Variants in LRP1 observed in about 807,000 individuals in gnomAD.
LRP1 encodes LDL receptor related protein 1.
LRP1 carries 51 observed loss-of-function variants against 541.5 expected under a neutral mutation model. The observed-to-expected ratio is 0.09, with a 90% CI of 0.08 to 0.12. The LOEUF (loss-of-function observed/expected upper bound fraction) is 0.12, where lower values mean the gene tolerates loss of function less well. Ranked by LOEUF, LRP1 falls within the 10% of genes least tolerant of loss-of-function variation. The pLI is 1.00. For synonymous variants in LRP1, 2,219 were observed against 2,470.8 expected, an observed-to-expected ratio of 0.90 and a Z score of 3.02; for missense variants, 3,878 against 6,376.2, an observed-to-expected ratio of 0.61 and a Z score of 13.34.
rs566531584 is a variant in LRP1 at position 57,141,623 on chromosome 12, C to T, written c.328+112C>T. 14 of 1,360,424 alleles carry T rather than the reference C, an allele frequency of 1.0e-5. No homozygotes were observed. In the East Asian group the frequency reaches 2.5e-4, roughly 25 times the overall value. 84.3% of individuals were successfully genotyped at this position (1,360,424 alleles called of 1,614,324 possible). On this transcript the variant is annotated intron_variant, in intron 3 of 88. Coordinates refer to ENST00000243077, the MANE Select transcript of LRP1 (RefSeq NM_002332.3). ...GGGGATGAGGCCTTGTCCTGGTCCC[C>T]TGCCTAGATTTACCTTCAGAGAGCA...
At chr12:57,166,744 C>T (rs2035848364) in intron 17 of LRP1, among the ~76,000 whole-genome samples, 186 bp from the exon 18 acceptor site, 1 of 149,622 alleles carries the variant, frequency 6.7e-6, no homozygotes, top group African/African-American at 2.5e-5. Flanking sequence ...GGGAGGATAC[C>T]AGAGACCCCT....
At chr12:57,188,234 G>A (rs189984196) in intron 42 of LRP1, among the ~76,000 whole-genome samples, 6 of 152,268 alleles carry the variant, frequency 3.9e-5, no homozygotes, top group East Asian at 1.9e-4. Context: ...CCCTCATCCC[G>A]GCTGTTTGGG....
In LRP1 at chr12:57,183,779, T is replaced by C; in HGVS notation, c.5799T>C (p.Asn1933=). ...LAVGIDFHAE[N]DTIYWVDMGL... is the part of the protein sequence containing the mutation. ...TGTCACCTCCTCCACCTCCAGAAAATGACACCATCTACTGGGTGGACATGG... is the reference window on the plus strand; with the variant it reads ...TGTCACCTCCTCCACCTCCAGAAAACGACACCATCTACTGGGTGGACATGG... Residue 1933 remains asparagine, a synonymous_variant, in exon 36 of 89, where the codon AAT becomes AAC. Transcript: ENST00000243077. This position sits in a 1 kb window ranked among gnomAD's most constrained non-coding sequence, Gnocchi z 6.1. 1 of 1,613,894 alleles carries C rather than the reference T, an allele frequency of 6.2e-7. No individual in the cohort carries two copies. The highest frequency in any genetic ancestry group is 1.1e-5 in the South Asian group (1 of 91,084).
rs191653405 is a variant in LRP1 at position 57,205,827 on chromosome 12, G to C, written c.11590+150G>C. 3,585 of 1,234,552 alleles carry C rather than the reference G, an allele frequency of 2.9e-3. 12 individuals are homozygous for C. Among genetic ancestry groups the C allele is most frequent in the South Asian group, 3.4e-3 (225 of 66,894 alleles). 76.5% of individuals were successfully genotyped at this position (1,234,552 alleles called of 1,614,324 possible). On this transcript the variant is annotated intron_variant, in intron 75 of 88. Coordinates refer to ENST00000243077, the MANE Select transcript of LRP1 (RefSeq NM_002332.3). This position sits in a 1 kb window ranked among gnomAD's most constrained non-coding sequence, Gnocchi z 4.6. ...ATAGTTGCAGCTGCCTGAGCACAGT[G>C]CTGGCCCAGCAGTGGGGGCAGGTCC...
In LRP1 at chr12:57,184,364, T is replaced by C; in HGVS notation, c.6098T>C (p.Ile2033Thr). Residue 2033 changes from isoleucine (I) to threonine (T), a missense_variant, in exon 38 of 89, where the codon ATT (isoleucine) becomes ACT (threonine). Around this residue, in one of 13 missense-constraint regions of LRP1, gnomAD observed 1,100 missense variants for 1,827.4 expected, o/e 0.60. Transcript: ENST00000243077. This position sits in a 1 kb window ranked among gnomAD's most constrained non-coding sequence, Gnocchi z 7.8. ...ACTGAGTGGGGTCAGTATCCGCGTATTGAGCGGTCTCGGCTAGATGGCACG... is the reference window on the plus strand; with the variant it reads ...ACTGAGTGGGGTCAGTATCCGCGTACTGAGCGGTCTCGGCTAGATGGCACG... ...FWTEWGQYPR[I>T]ERSRLDGTER... 1 of 1,614,228 alleles carries C rather than the reference T, an allele frequency of 6.2e-7. No homozygotes were observed. Among genetic ancestry groups the C allele is most frequent in the Non-Finnish European group, 8.5e-7 (1 of 1,180,046 alleles).
intron 18 of LRP1, 31 bp from the exon 19 acceptor site, chr12:57,167,413 G>A: frequency 6.7e-7 from 1 of 1,487,136 alleles, no homozygotes; most frequent in Non-Finnish European, 9.4e-7. Flanking sequence ...AATCGTGAAG[G>A]CCCTACTCAG....
Position 57,205,649 on chromosome 12 carries a change from G to A in LRP1, c.11562G>A (p.Met3854Ile). Residue 3854 changes from methionine (M) to isoleucine (I), a missense_variant, in exon 75 of 89, where the codon ATG (methionine) becomes ATA (isoleucine). Physicochemically the swap from Met to Ile is conservative, Grantham distance 10. Transcript: ENST00000243077. The surrounding 1 kb of genome is among the most constrained non-coding windows in gnomAD (Gnocchi z 4.6). ...TCTGCAGCTGCGCTCGGAACTTCAT[G>A]AAGACGCACAACACCTGCAAGGCCG... is the stretch of plus-strand genomic sequence containing the variant. ...GHLCSCARNF[M>I]KTHNTCKAEG... The A allele has an allele frequency of 1.9e-6, 3 of 1,612,848 alleles. No individual in the cohort carries two copies. The highest frequency in any genetic ancestry group is 2.5e-6 in the Non-Finnish European group (3 of 1,180,020).
intron 6 of LRP1, among the ~76,000 whole-genome samples, chr12:57,148,439 G>C (rs143895521): frequency 3.3e-5 from 5 of 152,140 alleles, no homozygotes; most frequent in Non-Finnish European, 7.4e-5. Context: ...CCAGGCCTGC[G>C]CACTCTCACC....
intron 60 of LRP1, among the ~76,000 whole-genome samples, chr12:57,198,950 T>C (rs937757625): frequency 5.9e-5 from 9 of 152,068 alleles, no homozygotes; most frequent in East Asian, 1.9e-4. Context: ...AGGCCTGCGA[T>C]TGAGAACTGC....
At position 57,179,685 on chromosome 12, in the gene LRP1, G is replaced by A. The variant is rs2036122669; in HGVS notation, c.4967-97G>A. The A allele has an allele frequency of 7.0e-7, 1 of 1,426,280 alleles. No individual in the cohort carries two copies. The highest frequency in any genetic ancestry group is 2.3e-5 in the East Asian group (1 of 43,908). 88.4% of individuals were successfully genotyped at this position (1,426,280 alleles called of 1,614,324 possible). On this transcript the variant is annotated intron_variant, in intron 29 of 88. Transcript: ENST00000243077. The surrounding 1 kb of genome is among the most constrained non-coding windows in gnomAD (Gnocchi z 6.8). Reference sequence around the variant, plus strand: ...TGTTCCCCCTCAGTGCTCCAGCCTGGTTTCCTGATCCCTTTTCTCCAGAAG... The same window carrying A: ...TGTTCCCCCTCAGTGCTCCAGCCTGATTTCCTGATCCCTTTTCTCCAGAAG...
chr12:57,174,703 T>C (rs1272266159), intron 22 of LRP1, among the ~76,000 whole-genome samples: 2 of 152,124 alleles, frequency 1.3e-5, no homozygotes, highest in Non-Finnish European at 2.9e-5. Flanking sequence ...AGGCGGAGGT[T>C]GCAGTGAGCC....
At chr12:57,191,717 T>C (rs2036385755) in intron 44 of LRP1, among the ~76,000 whole-genome samples, 8 of 100,340 alleles carry the variant, frequency 8.0e-5, no homozygotes, top group South Asian at 3.6e-4. Context: ...CACCACACCA[T>C]ACACACCCCC....
chr12:57,181,433 T>C (rs1421101549), intron 34 of LRP1, 142 bp downstream of exon 34: 3 of 1,092,484 alleles, frequency 2.7e-6, no homozygotes, highest in African/African-American at 3.2e-5. Context: ...GAAGTGGCTA[T>C]GACTCTCCAG....
intron 12 of LRP1, 48 bp from the exon 13 acceptor site, chr12:57,160,845 G>A (rs917541248): frequency 6.7e-7 from 1 of 1,484,526 alleles, no homozygotes; most frequent in Non-Finnish European, 9.4e-7. Flanking sequence ...AGGGGAGGCT[G>A]TTGATGGCGG....
rs746886209 is a variant in LRP1, at chr12:57,166,972, G to A, written c.2840G>A (p.Arg947His). The change falls in exon 18 of 89, where the codon CGC (arginine) becomes CAC (histidine). Residue 947 changes from arginine (R) to histidine (H), a missense_variant. Around this residue, in one of 13 missense-constraint regions of LRP1, gnomAD observed 320 missense variants for 547.9 expected, o/e 0.58. Coordinates refer to ENST00000243077, the MANE Select transcript of LRP1 (RefSeq NM_002332.3). ...PPNQFSCASG[R>H]CIPISWTCDL... The stretch of plus-strand genomic sequence containing the variant: ...AACCAGTTCTCCTGTGCCAGTGGCC[G>A]CTGCATCCCCATCTCCTGGACGTGT... The A allele has an allele frequency of 1.1e-5, 17 of 1,613,992 alleles. No homozygotes were observed. Among genetic ancestry groups the A allele is most frequent in the African/African-American group, 2.7e-5 (2 of 74,908 alleles).
intron 1 of LRP1, among the ~76,000 whole-genome samples, chr12:57,132,873 C>T (rs1332121738): frequency 2.6e-5 from 4 of 151,990 alleles, no homozygotes; most frequent in Non-Finnish European, 4.4e-5. Context: ...GGCTCCCTCC[C>T]CTCTGTTTTG....
chr12:57,186,257 G>A (rs1206774010), intron 41 of LRP1, among the ~76,000 whole-genome samples: 2 of 152,208 alleles, frequency 1.3e-5, no homozygotes, highest in Admixed American at 1.3e-4. Flanking sequence ...CCAAGCCTGA[G>A]CCTTCTCATC....
intron 2 of LRP1, 40 bp from the exon 3 acceptor site, chr12:57,141,334 T>A: frequency 6.2e-7 from 1 of 1,613,196 alleles, no homozygotes; most frequent in East Asian, 2.2e-5. Flanking sequence ...AGAGCCACCA[T>A]AGCCAGCTTG....
chr12:57,149,537 A>G (rs1304106580), intron 6 of LRP1: 2 of 649,584 alleles, frequency 3.1e-6, no homozygotes, highest in African/African-American at 3.6e-5. Context: ...GAGCCCGGCA[A>G]GGATTTCTCA....
Sources: gnomAD v4.1 joint callset for allele counts (sites outside exome capture counted in the v4.1 genomes callset) on GRCh38, gnomAD v4.1.1 for gene constraint, gnomAD v4.1.1 regional missense constraint, Gnocchi (gnomAD v3.1) non-coding constraint, MANE v1.5 for transcripts, NCBI Gene and HGNC (gene_info 2026-07-23, HGNC 2026-07-21) for gene names.